Variants in MYO1B observed in about 807,000 individuals in gnomAD.
The protein encoded by MYO1B is myosin IB.
Under a neutral mutation model 159.7 loss-of-function variants are expected in MYO1B, and 72 were observed. The observed-to-expected ratio is 0.45, with a 90% CI of 0.37 to 0.55. MYO1B has a LOEUF of 0.55. Ranked by LOEUF, MYO1B falls within the 20% of genes least tolerant of loss-of-function variation. The pLI is 0.00. For synonymous variants in MYO1B, 468 were observed against 473.8 expected (o/e 0.99, Z 0.16); for missense variants, 1,062 against 1,364.8 (o/e 0.78, Z 3.50).
chr2:191,391,669 C>T (rs1463830287), intron 18 of MYO1B, among the ~76,000 whole-genome samples: 6 of 152,162 alleles, frequency 3.9e-5, no homozygotes, highest in South Asian at 4.2e-4. Flanking sequence ...CGTTCCTTAG[C>T]GTCCCGTTGG....
intron 21 of MYO1B, among the ~76,000 whole-genome samples, chr2:191,397,967 C>T (rs201072579): frequency 4.4e-5 from 3 of 68,840 alleles, no homozygotes; most frequent in South Asian, 6.2e-4. Context: ...ACCTCCCTCC[C>T]GGACGGGGCG....
chr2:191,369,001 T>C (rs562622995), intron 11 of MYO1B, among the ~76,000 whole-genome samples: 2 of 152,164 alleles, frequency 1.3e-5, no homozygotes, highest in African/African-American at 4.8e-5. Flanking sequence ...AAAAAAAGAT[T>C]GAGTGAAGAA....
chr2:191,277,914 T>G (rs1687842338), intron 2 of MYO1B, among the ~76,000 whole-genome samples: 2 of 152,218 alleles, frequency 1.3e-5, no homozygotes, highest in African/African-American at 4.8e-5. Flanking sequence ...CTTAATATTT[T>G]TCTGTTTATC....
chr2:191,305,339 C>A (rs1056090583), intron 3 of MYO1B, among the ~76,000 whole-genome samples: 2 of 152,142 alleles, frequency 1.3e-5, no homozygotes, highest in African/African-American at 4.8e-5. Flanking sequence ...TTAGCAAAGC[C>A]AGGGATAATG....
At chr2:191,346,875 C>T (rs764729231) in intron 6 of MYO1B, among the ~76,000 whole-genome samples, 1 of 152,196 alleles carries the variant, frequency 6.6e-6, no homozygotes, top group Non-Finnish European at 1.5e-5. Context: ...TCATCCCCCA[C>T]TACTCCCTGG....
chr2:191,331,501 T>C (rs769784555), intron 4 of MYO1B, among the ~76,000 whole-genome samples: 20 of 152,234 alleles, frequency 1.3e-4, no homozygotes, highest in African/African-American at 2.4e-5. Flanking sequence ...TTGTCTTCCT[T>C]CTCCTCTACA....
chr2:191,318,098 CA>C (rs944263443), intron 3 of MYO1B, among the ~76,000 whole-genome samples: 19 of 151,928 alleles, frequency 1.3e-4, no homozygotes, highest in Admixed American at 5.2e-4. Flanking sequence ...AAACTGTAAA[CA>C]AAAAAAGTCT....
At chr2:191,365,782 C>CAGAAGAAGGAT (rs1693970220) in intron 11 of MYO1B, among the ~76,000 whole-genome samples, 1 of 152,140 alleles carries the variant, frequency 6.6e-6, no homozygotes, top group Non-Finnish European at 1.5e-5. Flanking sequence ...GGGCACATAT[C>CAGAAGAAGGAT]AGAAGAAGGA....
rs949038838 is a variant in MYO1B at position 191,320,061 on chromosome 2, G to A, written c.252-9874G>A. The stretch of plus-strand genomic sequence containing the variant: ...TGGTAAGGAAAGGGTGACTTTGGAA[G>A]GTATTGGGTGGCTGGATGAAAGAAG... On this transcript the variant is annotated intron_variant, in intron 3 of 30. Coordinates refer to ENST00000392318, the MANE Select transcript of MYO1B (RefSeq NM_001130158.3). Among the ~76,000 whole-genome samples, 122 of 152,216 alleles carry A rather than the reference G, an allele frequency of 8.0e-4. 1 individual carries two copies. The highest frequency in any genetic ancestry group is 2.7e-3 in the African/African-American group (112 of 41,534).
intron 7 of MYO1B, among the ~76,000 whole-genome samples, chr2:191,360,316 A>G (rs1693580754): frequency 6.6e-6 from 1 of 152,212 alleles, no homozygotes; most frequent in South Asian, 2.1e-4. Context: ...TACATTTGTA[A>G]CGTCACATTT....
intron 2 of MYO1B, 22 bp from the exon 3 acceptor site, chr2:191,296,089 T>G: frequency 2.9e-6 from 4 of 1,402,884 alleles, no homozygotes; most frequent in Non-Finnish European, 4.0e-6. Flanking sequence ...CTAATGGGCA[T>G]GTTTTGTTCT....
chr2:191,396,636 A>T, intron 21 of MYO1B, 139 bp downstream of exon 21: 1 of 790,172 alleles, frequency 1.3e-6, no homozygotes, highest in Non-Finnish European at 2.1e-6. Context: ...GGAAAGAATA[A>T]ATATTATGGG....
intron 4 of MYO1B, among the ~76,000 whole-genome samples, chr2:191,340,723 G>T (rs1692162184): frequency 1.4e-5 from 2 of 147,624 alleles, no homozygotes; most frequent in African/African-American, 5.3e-5. Context: ...CAGTTTTTTG[G>T]TTTTTGGTGT....
intron 1 of MYO1B, among the ~76,000 whole-genome samples, chr2:191,267,883 A>G (rs1687233862): frequency 6.6e-6 from 1 of 152,208 alleles, no homozygotes; most frequent in Non-Finnish European, 1.5e-5. Flanking sequence ...GTCCTTTGCC[A>G]GTTATGACCT....
At chr2:191,326,571 T>G (rs1199433281) in intron 3 of MYO1B, among the ~76,000 whole-genome samples, 1 of 152,218 alleles carries the variant, frequency 6.6e-6, no homozygotes, top group Non-Finnish European at 1.5e-5. Context: ...CCTGAAAGAA[T>G]AAATCCCTTT....
At chr2:191,400,891 T>A (rs936034995) in intron 23 of MYO1B, 56 bp downstream of exon 23, 15 of 1,529,230 alleles carry the variant, frequency 9.8e-6, no homozygotes, top group Admixed American at 8.7e-5. Context: ...TAATCAGTCC[T>A]TACCTCTAGC....
chr2:191,272,181 T>C (rs1246750399), intron 1 of MYO1B, among the ~76,000 whole-genome samples: 4 of 152,208 alleles, frequency 2.6e-5, no homozygotes, highest in Admixed American at 2.6e-4. Flanking sequence ...ATTGCAATAA[T>C]ATATTTTGTT....
intron 27 of MYO1B, among the ~76,000 whole-genome samples, chr2:191,412,933 C>T (rs1416703978): frequency 6.6e-6 from 1 of 152,198 alleles, no homozygotes; most frequent in Non-Finnish European, 1.5e-5. Context: ...GCTTGATTCT[C>T]CTTTCATATA....
At chr2:191,360,871 T>A in intron 8 of MYO1B, 142 bp downstream of exon 8, 1 of 595,406 alleles carries the variant, frequency 1.7e-6, no homozygotes, top group Non-Finnish European at 3.0e-6. Context: ...CTTCCCAGAG[T>A]GCTAGGATTA....
Sources: allele counts gnomAD v4.1 joint callset (sites outside exome capture counted in the v4.1 genomes callset), GRCh38; gene constraint gnomAD v4.1.1; transcripts MANE v1.5; gene names NCBI Gene and HGNC (gene_info 2026-07-23, HGNC 2026-07-21).